LRP2BP: variants seen among roughly 807,000 people sequenced by gnomAD.
LRP2BP encodes LRP2 binding protein.
LRP2BP carries 38 observed loss-of-function variants against 45.2 expected under a neutral mutation model. That is an observed-to-expected ratio of 0.84 (90% CI 0.65 to 1.10). The LOEUF is 1.10. LRP2BP is among the 50% of genes least tolerant of loss of function. LRP2BP has a pLI of 0.00. For missense variants in LRP2BP, 385 were observed against 418.9 expected, an observed-to-expected ratio of 0.92 and a Z score of 0.71; for synonymous variants, 153 against 153.9, an observed-to-expected ratio of 0.99 and a Z score of 0.04.
chr4:185,375,516 GTA>G (rs775935216), intron 4 of LRP2BP, 95 bp downstream of exon 4: 14 of 46,696 alleles, frequency 3.0e-4, no homozygotes, highest in Admixed American at 2.9e-3. Flanking sequence ...ATATATATAT[GTA>G]TATATATATG....
intron 6 of LRP2BP, among the ~76,000 whole-genome samples, chr4:185,373,690 C>T (rs925848415): frequency 6.6e-6 from 1 of 152,188 alleles, no homozygotes; most frequent in Non-Finnish European, 1.5e-5. Context: ...GCCCCCATTT[C>T]CTTCTCCTTA....
At chr4:185,373,396 CAG>C (rs1491418650) in intron 6 of LRP2BP, among the ~76,000 whole-genome samples, 1 of 152,060 alleles carries the variant, frequency 6.6e-6, no homozygotes, top group Non-Finnish European at 1.5e-5. Flanking sequence ...AATAGGAACT[CAG>C]TGTCTGAAAG....
At chr4:185,393,403 A>G (rs753209468) in intron 1 of LRP2BP, among the ~76,000 whole-genome samples, 2 of 152,234 alleles carry the variant, frequency 1.3e-5, no homozygotes, top group African/African-American at 2.4e-5. Flanking sequence ...TTCTTGGTCA[A>G]TAAGAAACAG....
chr4:185,378,981 T>A, intron 1 of LRP2BP: 1 of 985,342 alleles, frequency 1.0e-6, no homozygotes, highest in Non-Finnish European at 1.2e-6. Context: ...GCTGCATTTT[T>A]ATATCATTCC....
upstream of LRP2BP, chr4:185,396,374 T>A (rs1014194137): frequency 1.3e-5 from 2 of 152,696 alleles, no homozygotes; most frequent in African/African-American, 4.8e-5. Context: ...GTTTCCTGGT[T>A]ACGTGCGCGC....
intron 1 of LRP2BP, among the ~76,000 whole-genome samples, chr4:185,382,563 G>A (rs759776504): frequency 8.5e-5 from 13 of 152,178 alleles, no homozygotes; most frequent in African/African-American, 1.4e-4. Context: ...GATGTGAAGC[G>A]CTATCTCATT....
intron 2 of LRP2BP, chr4:185,377,378 C>T (rs913243210): frequency 1.0e-5 from 2 of 194,158 alleles, no homozygotes; most frequent in Admixed American, 5.4e-5. Context: ...ATTAGCAGGG[C>T]GTGGTGGTGC....
upstream of LRP2BP, chr4:185,397,178 CAG>C (rs756521855): frequency 2.3e-5 from 37 of 1,613,750 alleles, no homozygotes; most frequent in Non-Finnish European, 2.9e-5. Context: ...TTGCTGGAGA[CAG>C]GGGCCTCGGT....
chr4:185,370,954 G>A (rs145578803), intron 7 of LRP2BP, 140 bp from the exon 8 acceptor site: 3 of 887,904 alleles, frequency 3.4e-6, no homozygotes, highest in African/African-American at 3.3e-5. Flanking sequence ...GCTGTGTGGG[G>A]AAGGGTCCAT....
At chr4:185,372,650 C>A (rs1382216713) in intron 7 of LRP2BP, among the ~76,000 whole-genome samples, 1 of 152,194 alleles carries the variant, frequency 6.6e-6, no homozygotes, top group African/African-American at 2.4e-5. Context: ...GAGAGCACCT[C>A]CCTCATGAAT....
intron 8 of LRP2BP, among the ~76,000 whole-genome samples, chr4:185,367,718 C>T (rs1370087901): frequency 1.3e-5 from 2 of 152,118 alleles, no homozygotes; most frequent in African/African-American, 2.4e-5. Flanking sequence ...CTCATCCAAA[C>T]CCCATTCTAT....
chr4:185,382,349 G>T (rs2095458197), intron 1 of LRP2BP, among the ~76,000 whole-genome samples: 1 of 152,184 alleles, frequency 6.6e-6, no homozygotes, highest in Non-Finnish European at 1.5e-5. Context: ...TTTTTGTGAG[G>T]ATACATGTTT....
intron 7 of LRP2BP, among the ~76,000 whole-genome samples, 183 bp downstream of exon 7, chr4:185,372,673 C>T (rs1471105077): frequency 6.6e-6 from 1 of 152,138 alleles, no homozygotes; most frequent in Non-Finnish European, 1.5e-5. Context: ...GACTAAAGCC[C>T]TTTTTATAAA....
At position 185,375,672 on chromosome 4, in the gene LRP2BP, G is replaced by A. The variant is rs1296119662; in HGVS notation, c.271C>T (p.Gln91Ter). The change falls in exon 4 of 9, where the codon CAA (glutamine) becomes TAA (stop). Residue 91 changes from glutamine to a stop codon, truncating the protein, a stop_gained. Transcript: ENST00000505916. LOFTEE classifies it high-confidence loss of function. ...ATCACTCCTAGCTGGTAAGTTGCTT[G>A]ATGGTCTTTCTCCTTGATTTCTTCA... ...QFEEIKEKDHQATYQLGVMYY... is the reference protein window; with the variant it reads ...QFEEIKEKDH The A allele has an allele frequency of 1.9e-6, 3 of 1,611,946 alleles. No homozygotes were observed. In the African/African-American group the frequency reaches 4.0e-5, roughly 22 times the overall value.
intron 1 of LRP2BP, among the ~76,000 whole-genome samples, chr4:185,392,619 A>G (rs1561096619): frequency 1.3e-5 from 2 of 152,164 alleles, no homozygotes; most frequent in East Asian, 1.9e-4. Context: ...AAAAACTTAA[A>G]AAAAATCTAT....
chr4:185,394,466 CTT>C (rs1308964312), intron 1 of LRP2BP, among the ~76,000 whole-genome samples: 1 of 152,148 alleles, frequency 6.6e-6, no homozygotes, highest in Non-Finnish European at 1.5e-5. Context: ...TCAATTTCCT[CTT>C]CTGTAAAATG....
rs1316331066 is a variant in LRP2BP, at chr4:185,384,626, T to C, written c.-21-6419A>G. Among the ~76,000 whole-genome samples the C allele has an allele frequency of 3.3e-5, 5 of 150,984 alleles. No homozygotes were observed. In the East Asian group the frequency reaches 9.7e-4, roughly 29 times the overall value. On this transcript the variant is annotated intron_variant, in intron 1 of 8. Transcript: ENST00000505916. ...TTCAACACTGAAGTTCCTTTCATAC[T>C]AGATAATGTTCCTAGTGCCCAAGAA...
Position 185,378,208 on chromosome 4 carries a change from CTA to C in LRP2BP, c.-21-3_-21-2del. 1 of 1,606,514 alleles carries C rather than the reference CTA, an allele frequency of 6.2e-7. No homozygotes were observed. The highest frequency in any genetic ancestry group is 8.5e-7 in the Non-Finnish European group (1 of 1,178,140). On this transcript the variant is annotated splice_acceptor_variant and splice_polypyrimidine_tract_variant and intron_variant, in intron 1 of 8. Coordinates refer to ENST00000505916, the MANE Select transcript of LRP2BP (RefSeq NM_001377440.1). LOFTEE classifies it low-confidence loss of function (5UTR_SPLICE). ...TCATCCTTTTTCTGCAATGTGTATTCTATAAGCAAGAAGAAAAAATAAGTGGT... is the reference window on the plus strand; with the variant it reads ...TCATCCTTTTTCTGCAATGTGTATTCTAAGCAAGAAGAAAAAATAAGTGGT...
In LRP2BP at chr4:185,394,807, G is replaced by C; in HGVS notation, c.-50C>G. 1 of 985,058 alleles carries C rather than the reference G, an allele frequency of 1.0e-6. No individual in the cohort carries two copies. The highest frequency in any genetic ancestry group is 1.7e-5 in the African/African-American group (1 of 57,202). 61.0% of individuals were successfully genotyped at this position (985,058 alleles called of 1,614,324 possible). ...TCATCCAACGTTTTTTTTAACACTC[G>C]CTGTAAATGGCATCCTCGTTCTGGA... On this transcript the variant is annotated 5_prime_UTR_variant, in exon 1 of 9. Transcript: ENST00000505916.
Sources: gnomAD v4.1 joint callset for allele counts (sites outside exome capture counted in the v4.1 genomes callset) on GRCh38, gnomAD v4.1.1 for gene constraint, MANE v1.5 for transcripts, NCBI Gene and HGNC (gene_info 2026-07-23, HGNC 2026-07-21) for gene names.